SV2B: variants seen among roughly 807,000 people sequenced by gnomAD.
SV2B encodes the protein solute carrier family 22 member B2.
In SV2B, 41 loss-of-function variants were observed where a neutral mutation model predicts 73.9. The ratio of observed to expected loss-of-function variants is 0.56; its 90% CI spans 0.43 to 0.72. The LOEUF is 0.72. Ranked by LOEUF, SV2B falls within the 30% of genes least tolerant of loss-of-function variation. The pLI, the probability that SV2B is intolerant of heterozygous loss-of-function variation, is 0.00. For missense variants in SV2B, 764 were observed against 857.8 expected (o/e 0.89, Z 1.37); for synonymous variants, 314 against 314.2 (o/e 1.00, Z 0.01).
rs1007231242 is a variant in SV2B, at chr15:91,224,689, C to T, written c.-391-1184C>T. 5.9e-5 allele frequency among the ~76,000 whole-genome samples: 9 copies of T among 152,138 alleles called. No homozygotes were observed. Among genetic ancestry groups the T allele is most frequent in the African/African-American group, 9.7e-5 (4 of 41,430 alleles). ...ACCTTGATCGCGTTACTAACCCACT[C>T]GGAGACAGTTTGATTATCTCTCAAA... On this transcript the variant is annotated intron_variant, in intron 1 of 12. Transcript: ENST00000394232. The surrounding 1 kb of genome is among the most constrained non-coding windows in gnomAD (Gnocchi z 4.9).
chr15:91,147,909 A>G (rs545496448), intron 1 of SV2B, among the ~76,000 whole-genome samples: 1 of 151,562 alleles, frequency 6.6e-6, no homozygotes, highest in East Asian at 1.9e-4. Context: ...AAGACAGGAA[A>G]AAGGATGGAA....
chr15:91,217,661 C>T (rs953004740), intron 1 of SV2B, among the ~76,000 whole-genome samples: 2 of 152,150 alleles, frequency 1.3e-5, no homozygotes, highest in African/African-American at 4.8e-5. Flanking sequence ...ATTATCCTGT[C>T]ATATTCTAAT....
chr15:91,204,506 C>T (rs2045566449), intron 1 of SV2B, among the ~76,000 whole-genome samples: 1 of 150,854 alleles, frequency 6.6e-6, no homozygotes, highest in Non-Finnish European at 1.5e-5. Context: ...GAGATTTACA[C>T]ACATCCACCA....
rs1210065011 is a variant in SV2B, at chr15:91,198,998, TACTTAAA to T, written c.-391-26866_-391-26860del. 2.0e-5 allele frequency among the ~76,000 whole-genome samples: 3 copies of T among 152,194 alleles called. No homozygotes were observed. The East Asian group carries it at 5.8e-4, about 29-fold the overall frequency. On this transcript the variant is annotated intron_variant, in intron 1 of 12. Coordinates refer to ENST00000394232, the MANE Select transcript of SV2B (RefSeq NM_001323032.3). ...TTATAAAATTTATTTTGAATATAAA[TACTTAAA>T]ACTTAAAAAGTCTACTCATTTATTT... is the stretch of plus-strand genomic sequence containing the variant.
At chr15:91,116,957 A>G (rs2042198093) in intron 1 of SV2B, among the ~76,000 whole-genome samples, 1 of 152,188 alleles carries the variant, frequency 6.6e-6, no homozygotes, top group South Asian at 2.1e-4. Context: ...AGAGCATGGG[A>G]AAAACCTGCC....
chr15:91,114,913 A>G (rs2042136300), intron 1 of SV2B, among the ~76,000 whole-genome samples: 1 of 152,186 alleles, frequency 6.6e-6, no homozygotes, highest in South Asian at 2.1e-4. Context: ...CCAGGGTCTG[A>G]GTCCTCCAGC....
At position 91,281,756 on chromosome 15, in the gene SV2B, C is replaced by G. The variant is rs138977226; in HGVS notation, c.1402C>G (p.Leu468Val). Residue 468 changes from leucine to valine, a missense_variant, in exon 10 of 13, where the codon CTC becomes GTC. Coordinates refer to ENST00000394232, the MANE Select transcript of SV2B (RefSeq NM_001323032.3). The surrounding 1 kb of genome is among the most constrained non-coding windows in gnomAD (Gnocchi z 4.7). ...CACAAGAATGTACTTTAAACATGTA[C>G]TCTTTGAGGACACATTCTTTGACGA... is the stretch of plus-strand genomic sequence containing the variant. ...KFTRMYFKHV[L>V]FEDTFFDECY... 7.4e-5 allele frequency: 119 copies of G among 1,611,428 alleles called. No homozygotes were observed. In the African/African-American group the frequency reaches 1.1e-3, roughly 15 times the overall value.
intron 1 of SV2B, among the ~76,000 whole-genome samples, chr15:91,152,420 T>G (rs2043342301): frequency 6.6e-6 from 1 of 152,186 alleles, no homozygotes; most frequent in Non-Finnish European, 1.5e-5. Context: ...TTCCCACCTT[T>G]GAGTCTCTTG....
At chr15:91,215,041 C>T (rs1024946660) in intron 1 of SV2B, among the ~76,000 whole-genome samples, 4 of 152,314 alleles carry the variant, frequency 2.6e-5, no homozygotes, top group African/African-American at 4.8e-5. Context: ...ATCCCACATC[C>T]GGAGCGCTGC....
At position 91,122,913 on chromosome 15, in the gene SV2B, T is replaced by C. The variant is rs929611077; in HGVS notation, c.-392+22550T>C. On this transcript the variant is annotated intron_variant, in intron 1 of 12. Coordinates refer to ENST00000394232, the MANE Select transcript of SV2B (RefSeq NM_001323032.3). This position sits in a 1 kb window ranked among gnomAD's most constrained non-coding sequence, Gnocchi z 4.3. Reference sequence around the variant, plus strand: ...ATACTAAATTTCAGTTTGACAGGATTAATAAATTCAAGAGGTCTATTCTAC... The same window carrying C: ...ATACTAAATTTCAGTTTGACAGGATCAATAAATTCAAGAGGTCTATTCTAC... 6.6e-6 allele frequency among the ~76,000 whole-genome samples: 1 copy of C among 152,152 alleles called. No homozygotes were observed. The highest frequency in any genetic ancestry group is 1.5e-5 in the Non-Finnish European group (1 of 68,026).
chr15:91,107,351 T>C (rs1008378403), intron 1 of SV2B, among the ~76,000 whole-genome samples: 13 of 149,976 alleles, frequency 8.7e-5, no homozygotes, highest in Admixed American at 8.0e-4. Context: ...TATCCTTCTA[T>C]CACCAGGCTG....
In SV2B at chr15:91,130,171, G is replaced by T. The variant is rs1377842581; in HGVS notation, c.-392+29808G>T. 1.3e-5 allele frequency among the ~76,000 whole-genome samples: 2 copies of T among 152,074 alleles called. No homozygotes were observed. Among genetic ancestry groups the T allele is most frequent in the Admixed American group, 1.3e-4 (2 of 15,276 alleles). The stretch of plus-strand genomic sequence containing the variant: ...CTTAATGCTGAGATGAAACGGCTAG[G>T]ACTTGGCAAGTCTAGGAAGTGGGGC... On this transcript the variant is annotated intron_variant, in intron 1 of 12. Transcript: ENST00000394232. The surrounding 1 kb of genome is among the most constrained non-coding windows in gnomAD (Gnocchi z 5.6).
At chr15:91,213,174 T>TA (rs1317911141) in intron 1 of SV2B, among the ~76,000 whole-genome samples, 2 of 151,488 alleles carry the variant, frequency 1.3e-5, no homozygotes, top group East Asian at 3.9e-4. Context: ...TAAACAAAAA[T>TA]AAAAAATAGG....
At chr15:91,287,366 G>A (rs1486480713) in intron 11 of SV2B, among the ~76,000 whole-genome samples, 2 of 152,164 alleles carry the variant, frequency 1.3e-5, no homozygotes, top group African/African-American at 4.8e-5. Context: ...TGGGGCACTC[G>A]TGCCCTGTGT....
rs547189639 is a variant in SV2B, at chr15:91,277,725, G to A, written c.1374-4003G>A. Among the ~76,000 whole-genome samples, 13 of 152,240 alleles carry A rather than the reference G, an allele frequency of 8.5e-5. No homozygotes were observed. The East Asian group carries it at 2.5e-3, about 29-fold the overall frequency. On this transcript the variant is annotated intron_variant, in intron 9 of 12. Coordinates refer to ENST00000394232, the MANE Select transcript of SV2B (RefSeq NM_001323032.3). ...TACCTGTTGAAGGGATCTTTGAATT[G>A]TTTCCAGATTTTGGCATGGCTAAAT...
At chr15:91,260,298 T>C (rs1198758734) in intron 5 of SV2B, 22 bp from the exon 6 acceptor site, 1 of 1,593,162 alleles carries the variant, frequency 6.3e-7, no homozygotes, top group Non-Finnish European at 8.5e-7. Flanking sequence ...ATTTTTCCTG[T>C]GTCTTTCCTT....
intron 1 of SV2B, among the ~76,000 whole-genome samples, chr15:91,148,372 A>G (rs2043209857): frequency 6.6e-6 from 1 of 152,154 alleles, no homozygotes; most frequent in Non-Finnish European, 1.5e-5. Flanking sequence ...ATTGGGTCAT[A>G]TAGCACAGGA....
rs1252258489 is a variant in SV2B at position 91,115,576 on chromosome 15, C to T, written c.-392+15213C>T. Among the ~76,000 whole-genome samples the T allele has an allele frequency of 6.6e-6, 1 of 151,844 alleles. No homozygotes were observed. Among genetic ancestry groups the T allele is most frequent in the Non-Finnish European group, 1.5e-5 (1 of 67,944 alleles). On this transcript the variant is annotated intron_variant, in intron 1 of 12. Transcript: ENST00000394232. The surrounding 1 kb of genome is among the most constrained non-coding windows in gnomAD (Gnocchi z 4.3). Reference sequence around the variant, plus strand: ...ATTTTTAGTAGAGACAGGGTCTCGCCATGTTGCCCAGGCTGGTCTTGAACT... The same window carrying T: ...ATTTTTAGTAGAGACAGGGTCTCGCTATGTTGCCCAGGCTGGTCTTGAACT...
In SV2B at chr15:91,283,928, C is replaced by T. The variant is rs537259507; in HGVS notation, c.1508-93C>T. 1 of 1,364,232 alleles carries T rather than the reference C, an allele frequency of 7.3e-7. No homozygotes were observed. 84.5% of individuals were successfully genotyped at this position (1,364,232 alleles called of 1,614,324 possible). Reference sequence around the variant, plus strand: ...ACTGGCAAAGGCTGGCACAGCCTGCCTACAGGAGGGGGCAGACTTCATCCC... The same window carrying T: ...ACTGGCAAAGGCTGGCACAGCCTGCTTACAGGAGGGGGCAGACTTCATCCC... On this transcript the variant is annotated intron_variant, in intron 10 of 12. Coordinates refer to ENST00000394232, the MANE Select transcript of SV2B (RefSeq NM_001323032.3). The surrounding 1 kb of genome is among the most constrained non-coding windows in gnomAD (Gnocchi z 4.3).
Sources: gnomAD v4.1 joint callset for allele counts (sites outside exome capture counted in the v4.1 genomes callset) on GRCh38, gnomAD v4.1.1 for gene constraint, Gnocchi (gnomAD v3.1) non-coding constraint, MANE v1.5 for transcripts, NCBI Gene and HGNC (gene_info 2026-07-23, HGNC 2026-07-21) for gene names.